TTC8: variants seen among roughly 807,000 people sequenced by gnomAD.
The protein encoded by TTC8 is tetratricopeptide repeat domain 8.
Under a neutral mutation model 72.5 loss-of-function variants are expected in TTC8, and 47 were observed. That is an observed-to-expected ratio of 0.65 (90% CI 0.51 to 0.83). The LOEUF is 0.83. TTC8 is among the 40% of genes least tolerant of loss of function. TTC8 has a pLI of 0.00. For missense variants in TTC8, 611 were observed against 623.2 expected (o/e 0.98, Z 0.21); for synonymous variants, 199 against 221.4 (o/e 0.90, Z 0.90).
chr14:88,872,261 A>G, intron 12 of TTC8, 69 bp from the exon 13 acceptor site: 2 of 1,603,600 alleles, frequency 1.2e-6, no homozygotes, highest in Non-Finnish European at 1.7e-6. Context: ...CAGAAGAGAT[A>G]CCTATGAGGA....
chr14:88,839,397 G>T (rs2094768823), intron 2 of TTC8, 55 bp from the exon 3 acceptor site: 14 of 1,572,412 alleles, frequency 8.9e-6, no homozygotes, highest in Non-Finnish European at 1.2e-5. Flanking sequence ...TCTATAAGCT[G>T]TGTAGTATTT....
intron 1 of TTC8, among the ~76,000 whole-genome samples, chr14:88,829,971 A>G (rs1428468758): frequency 2.6e-5 from 4 of 152,142 alleles, no homozygotes; most frequent in Admixed American, 1.3e-4. Flanking sequence ...TCATTTTATG[A>G]ATTTGTATTC....
At chr14:88,847,241 T>C (rs956208864) in intron 7 of TTC8, among the ~76,000 whole-genome samples, 10 of 152,174 alleles carry the variant, frequency 6.6e-5, no homozygotes, top group African/African-American at 2.4e-4. Flanking sequence ...ACGGGTGTAA[T>C]GCCAGGTGTT....
chr14:88,832,173 A>G (rs1238884802), intron 1 of TTC8, among the ~76,000 whole-genome samples: 2 of 152,138 alleles, frequency 1.3e-5, no homozygotes, highest in African/African-American at 4.8e-5. Flanking sequence ...TCAGCCCTAA[A>G]TGTATCCCTG....
chr14:88,846,833 T>C (rs2094809084), intron 7 of TTC8: 1 of 415,184 alleles, frequency 2.4e-6, no homozygotes, highest in African/African-American at 2.1e-5. Flanking sequence ...CATTTAAACT[T>C]TTTATTTTAA....
intron 1 of TTC8, among the ~76,000 whole-genome samples, chr14:88,833,159 C>T (rs2140961028): frequency 6.6e-6 from 1 of 152,234 alleles, no homozygotes; most frequent in South Asian, 2.1e-4. Flanking sequence ...ACATTGCTGA[C>T]TAGACAGACA....
chr14:88,850,676 A>G (rs1468341126), intron 7 of TTC8, among the ~76,000 whole-genome samples: 1 of 152,206 alleles, frequency 6.6e-6, no homozygotes, highest in African/African-American at 2.4e-5. Context: ...GCAACAGAGC[A>G]AGACTGTATC....
In TTC8 at chr14:88,872,441, C is replaced by T; in HGVS notation, c.1336C>T (p.His446Tyr). Residue 446 changes from histidine (H) to tyrosine (Y), a missense_variant, in exon 13 of 15, where the codon CAC becomes TAC. Coordinates refer to ENST00000380656, the MANE Select transcript of TTC8 (RefSeq NM_144596.4). The stretch of plus-strand genomic sequence containing the variant: ...GGCTGTGCTGGAGATGCGGAAGGGC[C>T]ACGTTGAACAGGTCAGTGAACTGGC... Reference protein sequence around the residue: ...NLAVLEMRKGHVEQARALLQT... With the variant: ...NLAVLEMRKGYVEQARALLQT... 1.2e-6 allele frequency: 2 copies of T among 1,613,824 alleles called. No individual in the cohort carries two copies.
At chr14:88,841,573 C>G in intron 6 of TTC8, 59 bp downstream of exon 6, 1 of 1,365,150 alleles carries the variant, frequency 7.3e-7, no homozygotes, top group South Asian at 1.2e-5. Flanking sequence ...ATGATAATGA[C>G]AAATTAGAAA....
downstream of TTC8, chr14:88,880,285 C>T (rs2094969523): frequency 6.6e-6 from 1 of 152,172 alleles, no homozygotes; most frequent in Admixed American, 6.5e-5. Flanking sequence ...AATAACTGCA[C>T]TTTCATATCT....
intron 6 of TTC8, among the ~76,000 whole-genome samples, chr14:88,843,514 A>G (rs188172130): frequency 3.9e-5 from 6 of 152,306 alleles, no homozygotes; most frequent in Admixed American, 3.9e-4. Context: ...AATATAAAGA[A>G]TTGTCTGCAT....
intron 6 of TTC8, among the ~76,000 whole-genome samples, chr14:88,843,024 T>A (rs1463315701): frequency 2.0e-5 from 3 of 152,212 alleles, no homozygotes; most frequent in Non-Finnish European, 4.4e-5. Context: ...TCTTTGTTAG[T>A]AACCTTGATA....
chr14:88,864,837 A>G (rs2094902971), intron 10 of TTC8, among the ~76,000 whole-genome samples: 1 of 152,208 alleles, frequency 6.6e-6, no homozygotes, highest in South Asian at 2.1e-4. Flanking sequence ...TCATGTGACA[A>G]TAGATGTCCA....
chr14:88,871,292 A>G lies in TTC8; in HGVS notation c.1050-257A>G, dbSNP rs1020562508. On this transcript the variant is annotated intron_variant, in intron 11 of 14. Transcript: ENST00000380656. The surrounding 1 kb of genome is among the most constrained non-coding windows in gnomAD (Gnocchi z 4.1). The stretch of plus-strand genomic sequence containing the variant: ...TCTTATTTTGGTTCTCTAACAAAGC[A>G]TTTGGGGAGAAAACTTAGATCAGTT... Among the ~76,000 whole-genome samples the G allele has an allele frequency of 6.6e-5, 10 of 152,224 alleles. No homozygotes were observed. Among genetic ancestry groups the G allele is most frequent in the African/African-American group, 2.4e-4 (10 of 41,450 alleles).
At chr14:88,858,840 G>A (rs1327282959) in intron 9 of TTC8, among the ~76,000 whole-genome samples, 7 of 141,616 alleles carry the variant, frequency 4.9e-5, no homozygotes, top group African/African-American at 8.1e-5. Context: ...GGCCTCAAGC[G>A]ATCCTCTGGC....
chr14:88,867,265 A>T (rs986854572), intron 10 of TTC8, among the ~76,000 whole-genome samples: 1 of 152,216 alleles, frequency 6.6e-6, no homozygotes. Context: ...TTTGGTTAAA[A>T]AAAGGAAACA....
intron 10 of TTC8, among the ~76,000 whole-genome samples, chr14:88,862,512 T>C (rs566458873): frequency 4.5e-5 from 5 of 111,092 alleles, no homozygotes; most frequent in African/African-American, 1.4e-4. Context: ...GATACTGACA[T>C]TACATTCCAT....
At chr14:88,862,271 AT>A (rs1377434807) in intron 10 of TTC8, among the ~76,000 whole-genome samples, 1 of 151,710 alleles carries the variant, frequency 6.6e-6, no homozygotes, top group Non-Finnish European at 1.5e-5. Context: ...CCTGTTGGCC[AT>A]TTGTATGTCT....
At chr14:88,826,631 A>G (rs763457804) in intron 1 of TTC8, among the ~76,000 whole-genome samples, 1 of 152,054 alleles carries the variant, frequency 6.6e-6, no homozygotes, top group Non-Finnish European at 1.5e-5. Flanking sequence ...GTGAACCCGG[A>G]AGGCGGAGCT....
Sources: allele counts gnomAD v4.1 joint callset (sites outside exome capture counted in the v4.1 genomes callset), GRCh38; gene constraint gnomAD v4.1.1; non-coding constraint Gnocchi (gnomAD v3.1); transcripts MANE v1.5; gene names NCBI Gene and HGNC (gene_info 2026-07-23, HGNC 2026-07-21).